The following TMEM117 variants were observed in gnomAD, a reference collection of about 807,000 sequenced individuals.
TMEM117 encodes the protein transmembrane protein 117.
In TMEM117, 27 loss-of-function variants were observed where a neutral mutation model predicts 52.4. The ratio of observed to expected loss-of-function variants is 0.51; its 90% confidence interval spans 0.38 to 0.71. The LOEUF is 0.71. Ranked by LOEUF, TMEM117 falls within the 30% of genes least tolerant of loss-of-function variation. TMEM117 has a pLI of 0.00. For synonymous variants in TMEM117, 215 were observed against 206.3 expected (o/e 1.04, Z -0.36); for missense variants, 556 against 630.5 (o/e 0.88, Z 1.26).
chr12:44,047,543 C>T (rs1052561842), intron 3 of TMEM117, among the ~76,000 whole-genome samples: 2 of 152,082 alleles, frequency 1.3e-5, no homozygotes, highest in African/African-American at 4.8e-5. Flanking sequence ...TTAGTTTGTT[C>T]TGTAGGGTGT....
chr12:43,998,782 G>A lies in TMEM117; in HGVS notation c.410+54440G>A, dbSNP rs568946788. Among the ~76,000 whole-genome samples the A allele has an allele frequency of 1.2e-4, 19 of 152,272 alleles. No individual in the cohort carries two copies. The South Asian group carries it at 2.5e-3, about 20-fold the overall frequency. On this transcript the variant is annotated intron_variant, in intron 3 of 7. Coordinates refer to ENST00000266534, the MANE Select transcript of TMEM117 (RefSeq NM_032256.3). ...GGGACATCATTAACTGAGTGAAACA[G>A]CAAGCCAGGAAGTAAGAGAAGATAT... is the stretch of plus-strand genomic sequence containing the variant.
At chr12:44,230,165 A>G (rs1185720343) in intron 5 of TMEM117, among the ~76,000 whole-genome samples, 2 of 152,048 alleles carry the variant, frequency 1.3e-5, no homozygotes, top group African/African-American at 4.8e-5. Flanking sequence ...TCCCAGTTTT[A>G]TACATAAGGA....
chr12:44,009,940 G>A (rs902168794), intron 3 of TMEM117: 2 of 283,090 alleles, frequency 7.1e-6, no homozygotes, highest in African/African-American at 4.5e-5. Flanking sequence ...TTCTGAAGTA[G>A]GCTGATAGCC....
At chr12:43,917,969 T>C (rs986710434) in intron 2 of TMEM117, among the ~76,000 whole-genome samples, 5 of 152,200 alleles carry the variant, frequency 3.3e-5, no homozygotes, top group African/African-American at 1.2e-4. Context: ...GAGTCATCTT[T>C]ACTAGTTTGT....
intron 3 of TMEM117, among the ~76,000 whole-genome samples, chr12:44,018,123 C>T (rs1003465341): frequency 6.6e-6 from 1 of 151,924 alleles, no homozygotes; most frequent in South Asian, 2.1e-4. Context: ...GCAGCTGTGC[C>T]CAGACACAAC....
At chr12:43,818,065 C>G in the TMEM117 span, among the ~76,000 whole-genome samples, 1 of 152,146 alleles carries the variant, frequency 6.6e-6, no homozygotes, top group Non-Finnish European at 1.5e-5. Flanking sequence ...TTCAAGGATG[C>G]CTCTCTGATG....
chr12:44,383,367 TGAA>T (rs1194292161), intron 7 of TMEM117, among the ~76,000 whole-genome samples: 1 of 152,200 alleles, frequency 6.6e-6, no homozygotes, highest in African/African-American at 2.4e-5. Context: ...TGATATTTAA[TGAA>T]GAATCCTTTT....
At chr12:44,030,254 C>G (rs1360636663) in intron 3 of TMEM117, among the ~76,000 whole-genome samples, 4 of 152,174 alleles carry the variant, frequency 2.6e-5, no homozygotes, top group Admixed American at 1.3e-4. Flanking sequence ...TTGCTAAATG[C>G]TTTAAGGTCA....
At chr12:43,860,654 G>A (rs1943473013) in intron 2 of TMEM117, among the ~76,000 whole-genome samples, 1 of 152,136 alleles carries the variant, frequency 6.6e-6, no homozygotes, top group African/African-American at 2.4e-5. Flanking sequence ...AGAGTGTTTA[G>A]TGAACAAGGT....
intron 5 of TMEM117, 90 bp from the exon 6 acceptor site, chr12:44,299,490 C>G: frequency 6.7e-7 from 1 of 1,493,524 alleles, no homozygotes; most frequent in South Asian, 1.3e-5. Context: ...TGCCAAGGGG[C>G]AGACATTTAA....
intron 4 of TMEM117, among the ~76,000 whole-genome samples, chr12:44,202,744 G>A (rs897049294): frequency 2.0e-5 from 3 of 151,450 alleles, no homozygotes; most frequent in African/African-American, 7.3e-5. Context: ...ATGTCTGATA[G>A]AATTTGGCTG....
At chr12:44,231,976 A>T (rs1185163397) in intron 5 of TMEM117, among the ~76,000 whole-genome samples, 1 of 151,650 alleles carries the variant, frequency 6.6e-6, no homozygotes, top group Admixed American at 6.6e-5. Flanking sequence ...TTGGTAAGTC[A>T]TTAAACTTCT....
At chr12:44,021,097 G>A (rs1946448125) in intron 3 of TMEM117, among the ~76,000 whole-genome samples, 1 of 152,108 alleles carries the variant, frequency 6.6e-6, no homozygotes, top group Non-Finnish European at 1.5e-5. Context: ...AGAGATTTGT[G>A]TGTGTATATA....
intron 3 of TMEM117, among the ~76,000 whole-genome samples, chr12:44,076,220 G>C (rs1165224645): frequency 6.6e-6 from 1 of 152,214 alleles, no homozygotes; most frequent in Non-Finnish European, 1.5e-5. Flanking sequence ...AATTAGTGAG[G>C]AAATGACATC....
chr12:44,071,077 T>A (rs1354739935), intron 3 of TMEM117, among the ~76,000 whole-genome samples: 1 of 152,198 alleles, frequency 6.6e-6, no homozygotes. Flanking sequence ...GAAAGTATAT[T>A]TCATTAGTTT....
intron 3 of TMEM117, among the ~76,000 whole-genome samples, chr12:44,087,621 C>T (rs533103124): frequency 3.4e-4 from 51 of 152,174 alleles, no homozygotes; most frequent in African/African-American, 1.1e-3. Context: ...TGTGCCCCCA[C>T]GCCCGACCAA....
intron 4 of TMEM117, among the ~76,000 whole-genome samples, chr12:44,186,280 A>C (rs1465365293): frequency 6.6e-6 from 1 of 152,174 alleles, no homozygotes; most frequent in Non-Finnish European, 1.5e-5. Context: ...TTGCCTTTCC[A>C]AGGAATCTTA....
intron 3 of TMEM117, among the ~76,000 whole-genome samples, chr12:44,094,429 A>G (rs1323117331): frequency 6.6e-6 from 1 of 152,146 alleles, no homozygotes; most frequent in Non-Finnish European, 1.5e-5. Flanking sequence ...GCTTGCATTT[A>G]TTAATAGTAA....
At chr12:44,242,674 G>A (rs1190476870) in intron 5 of TMEM117, among the ~76,000 whole-genome samples, 3 of 135,744 alleles carry the variant, frequency 2.2e-5, no homozygotes, top group Non-Finnish European at 4.8e-5. Flanking sequence ...TATATGTATA[G>A]ATATCCATAC....
Sources: gnomAD v4.1 joint callset for allele counts (sites outside exome capture counted in the v4.1 genomes callset) on GRCh38, gnomAD v4.1.1 for gene constraint, MANE v1.5 for transcripts, NCBI Gene and HGNC (gene_info 2026-07-23, HGNC 2026-07-21) for gene names.